The following HHLA1 variants were observed in gnomAD, a reference collection of about 807,000 sequenced individuals.
HHLA1 encodes HERV-H LTR-associating protein 1.
Under a neutral mutation model 69.9 loss-of-function variants are expected in HHLA1, and 72 were observed. That is an observed-to-expected ratio of 1.03 (90% confidence interval 0.85 to 1.25). The LOEUF is 1.25. Ranked by LOEUF, HHLA1 falls within the 50% of genes most tolerant of loss-of-function variation. The pLI, the probability that HHLA1 is intolerant of heterozygous loss-of-function variation, is 0.00. For synonymous variants in HHLA1, 252 were observed against 233.2 expected (o/e 1.08, Z -0.73); for missense variants, 685 against 642.2 (o/e 1.07, Z -0.72).
chr8:132,107,431 G>T (rs190389621), intron 1 of HHLA1, among the ~76,000 whole-genome samples: 2 of 152,216 alleles, frequency 1.3e-5, no homozygotes, highest in Admixed American at 6.5e-5. Flanking sequence ...CTCCCGAGCA[G>T]CTGGGATTAC....
intron 14 of HHLA1, among the ~76,000 whole-genome samples, chr8:132,073,857 T>C (rs1823589721): frequency 1.3e-5 from 2 of 152,032 alleles, no homozygotes; most frequent in Non-Finnish European, 2.9e-5. Context: ...ATCACCCAAG[T>C]CTCCCTATCC....
At position 132,063,151 on chromosome 8, in the gene HHLA1, G is replaced by T. The variant is rs73353141; in HGVS notation, c.*844C>A. Reference sequence around the variant, plus strand: ...TTTCTGGGAGGATTAGATGCTGACTGTGCAACCCCACTGGAAGCTTGTGCC... The same window carrying T: ...TTTCTGGGAGGATTAGATGCTGACTTTGCAACCCCACTGGAAGCTTGTGCC... On this transcript the variant is annotated 3_prime_UTR_variant, in exon 17 of 17. Coordinates refer to ENST00000414222, the MANE Select transcript of HHLA1 (RefSeq NM_001145095.3). The T allele has an allele frequency of 6.6e-6, 1 of 152,168 alleles. No homozygotes were observed. Among genetic ancestry groups the T allele is most frequent in the Non-Finnish European group, 1.5e-5 (1 of 68,030 alleles). The allele number at this position is 152,168 out of a possible 1,614,324, so 9.4% of individuals were successfully genotyped here.
At chr8:132,069,769 T>C (rs1364304038) in intron 15 of HHLA1, 1 of 152,048 alleles carries the variant, frequency 6.6e-6, no homozygotes, top group Non-Finnish European at 1.5e-5. Flanking sequence ...ACCCTCAGTT[T>C]CTGAGGCTAT....
At chr8:132,070,265 G>A (rs1013209363) in intron 15 of HHLA1, 13 of 698,536 alleles carry the variant, frequency 1.9e-5, no homozygotes, top group Admixed American at 1.8e-4. Context: ...TGTCAGCATT[G>A]TAGGACAGAA....
At chr8:132,064,121 C>A in intron 16 of HHLA1, 83 bp from the exon 17 acceptor site, 1 of 846,006 alleles carries the variant, frequency 1.2e-6, no homozygotes. Context: ...CTGATGTCGC[C>A]AACAAGGGTC....
chr8:132,092,063 A>G (rs1823954924), intron 7 of HHLA1, among the ~76,000 whole-genome samples: 2 of 152,240 alleles, frequency 1.3e-5, no homozygotes, highest in African/African-American at 4.8e-5. Flanking sequence ...ATTCATGTGA[A>G]GGATGAGGCA....
At chr8:132,083,332 A>G (rs1018769896) in intron 10 of HHLA1, among the ~76,000 whole-genome samples, 2 of 152,118 alleles carry the variant, frequency 1.3e-5, no homozygotes, top group Non-Finnish European at 2.9e-5. Flanking sequence ...TACCCACAAC[A>G]GTTATGGAGG....
chr8:132,072,710 C>T (rs369271873), intron 14 of HHLA1, among the ~76,000 whole-genome samples: 75 of 152,218 alleles, frequency 4.9e-4, no homozygotes, highest in African/African-American at 8.4e-4. Context: ...AGACTCTCTG[C>T]GGATTGTCTG....
intron 11 of HHLA1, among the ~76,000 whole-genome samples, chr8:132,078,836 T>A (rs1213644329): frequency 2.0e-5 from 3 of 152,214 alleles, no homozygotes; most frequent in African/African-American, 7.2e-5. Context: ...ACTGAATGAA[T>A]GAATTCTGAT....
At chr8:132,074,077 C>T (rs552970904) in intron 14 of HHLA1, among the ~76,000 whole-genome samples, 1 of 152,334 alleles carries the variant, frequency 6.6e-6, no homozygotes, top group Admixed American at 6.5e-5. Flanking sequence ...GTTAATCTCA[C>T]TCTTGGCTAC....
At chr8:132,094,652 G>T (rs971059913) in intron 7 of HHLA1, among the ~76,000 whole-genome samples, 1 of 152,110 alleles carries the variant, frequency 6.6e-6, no homozygotes, top group Non-Finnish European at 1.5e-5. Flanking sequence ...ATCCCCCACT[G>T]TGACTTTTCC....
rs1292021104 is a variant in HHLA1, at chr8:132,063,997, A to C, written c.1594T>G (p.Ter532GlyextTer9). The change falls in exon 17 of 17, where the codon TGA becomes GGA. Residue 532 changes from the stop codon to glycine (G), a stop_lost. Transcript: ENST00000414222. ...KCLENICKSV[*>G] ...GCCCTAGTGTTATTTTCAAGGCCTC[A>C]CACAGACTTGCAGATATTCTCAAGG... The C allele has an allele frequency of 1.5e-6, 2 of 1,302,160 alleles. No individual in the cohort carries two copies. The highest frequency in any genetic ancestry group is 3.0e-5 in the African/African-American group (2 of 65,810). 80.7% of individuals were successfully genotyped at this position (1,302,160 alleles called of 1,614,324 possible). A position where few individuals can be genotyped will look rare whatever the true frequency, so the allele number is the denominator to read the frequency against.
chr8:132,073,600 TA>T (rs1473739303), intron 14 of HHLA1, among the ~76,000 whole-genome samples: 8 of 151,888 alleles, frequency 5.3e-5, no homozygotes, highest in Non-Finnish European at 5.9e-5. Context: ...CAACAGGGAG[TA>T]ACTCCAGCAA....
At chr8:132,105,105 G>C (rs1824181848) in intron 2 of HHLA1, 82 bp downstream of exon 2, 1 of 1,003,758 alleles carries the variant, frequency 1.0e-6, no homozygotes, top group African/African-American at 1.6e-5. Flanking sequence ...AGAAATGTTG[G>C]CTGCTGAGGT....
At chr8:132,078,017 A>T (rs1341993158) in intron 11 of HHLA1, 46 bp from the exon 12 acceptor site, 1 of 1,537,520 alleles carries the variant, frequency 6.5e-7, no homozygotes, top group Admixed American at 2.0e-5. Context: ...ATGCTTGACC[A>T]CTTCGATTCA....
At position 132,105,252 on chromosome 8, in the gene HHLA1, A is replaced by G; in HGVS notation, c.14T>C (p.Leu5Pro). The G allele has an allele frequency of 6.4e-7, 1 of 1,552,184 alleles. No individual in the cohort carries two copies. Among genetic ancestry groups the G allele is most frequent in the Non-Finnish European group, 8.7e-7 (1 of 1,147,062 alleles). MLGFLSRGPSMKLCM... is the reference protein window; with the variant it reads MLGFPSRGPSMKLCM... ...CAGCTTCATTGAAGGACCACGTGAC[A>G]GGAAGCCCAGCATGCTTGTGATACT... The change falls in exon 2 of 17, where the codon CTG becomes CCG. Residue 5 changes from leucine to proline, a missense_variant. Coordinates refer to ENST00000414222, the MANE Select transcript of HHLA1 (RefSeq NM_001145095.3).
At chr8:132,080,861 G>A (rs1262423953) in intron 10 of HHLA1, 1 of 151,998 alleles carries the variant, frequency 6.6e-6, no homozygotes, top group Non-Finnish European at 1.5e-5. Flanking sequence ...CTGAAGGGAG[G>A]TCTTGTGGTA....
intron 10 of HHLA1, chr8:132,085,290 A>T (rs937662637): frequency 5.7e-6 from 1 of 175,360 alleles, no homozygotes; most frequent in Non-Finnish European, 1.2e-5. Context: ...AGAAAATGAA[A>T]GGAATTGAAA....
At chr8:132,068,651 C>G (rs1823479650) in intron 15 of HHLA1, among the ~76,000 whole-genome samples, 1 of 152,208 alleles carries the variant, frequency 6.6e-6, no homozygotes, top group African/African-American at 2.4e-5. Flanking sequence ...ATGATTACAC[C>G]AGCCCCTTGT....
Sources: gnomAD v4.1 joint callset for allele counts (sites outside exome capture counted in the v4.1 genomes callset) on GRCh38, gnomAD v4.1.1 for gene constraint, MANE v1.5 for transcripts, NCBI Gene and HGNC (gene_info 2026-07-23, HGNC 2026-07-21) for gene names.